CREBZF: variants seen among roughly 807,000 people sequenced by gnomAD.
The protein encoded by CREBZF is CREB/ATF bZIP transcription factor.
Under a neutral mutation model 21.1 loss-of-function variants are expected in CREBZF, and 8 were observed. That is an observed-to-expected ratio of 0.38 (90% CI 0.22 to 0.68). The LOEUF (loss-of-function observed/expected upper bound fraction) is 0.68. Among genes scored for constraint, CREBZF ranks in the 30% least tolerant of loss-of-function variants. The pLI is 0.51. For missense variants in CREBZF, 518 were observed against 484.3 expected (o/e 1.07, Z -0.65); for synonymous variants, 270 against 223.3 (o/e 1.21, Z -1.86).
In CREBZF at chr11:85,663,340, C is replaced by T. The variant is rs1350589745; in HGVS notation, c.*471G>A. 17 of 608,582 alleles carry T rather than the reference C, an allele frequency of 2.8e-5. No homozygotes were observed. The East Asian group carries it at 4.4e-4, about 16-fold the overall frequency. 37.7% of individuals were successfully genotyped at this position (608,582 alleles called of 1,614,324 possible). A position where few individuals can be genotyped will look rare whatever the true frequency, so the allele number is the denominator to read the frequency against. The stretch of plus-strand genomic sequence containing the variant: ...TAGCTATTTCAACCAGAAGAGGCAT[C>T]TTAAATACATTCTTGACCAGCACAA... On this transcript the variant is annotated 3_prime_UTR_variant, in exon 1 of 1. Coordinates refer to ENST00000527447, the MANE Select transcript of CREBZF (RefSeq NM_001039618.4).
chr11:85,662,668 A>C lies in CREBZF; in HGVS notation c.*1143T>G, dbSNP rs1012221191. On this transcript the variant is annotated 3_prime_UTR_variant, in exon 1 of 1. Coordinates refer to ENST00000527447, the MANE Select transcript of CREBZF (RefSeq NM_001039618.4). The stretch of plus-strand genomic sequence containing the variant: ...TGGCCAGAACCACTCAATTTAAAAA[A>C]TTATTTTAAAATAGGACAAATACTT... 1 of 402,202 alleles carries C rather than the reference A, an allele frequency of 2.5e-6. No homozygotes were observed. Among genetic ancestry groups the C allele is most frequent in the African/African-American group, 2.0e-5 (1 of 49,568 alleles). The allele number at this position is 402,202 out of a possible 1,614,324, so 24.9% of individuals were successfully genotyped here.
In CREBZF at chr11:85,664,107, C is replaced by CG. The variant is rs1565808757; in HGVS notation, c.768dup (p.Val257ArgfsTer47). 1 of 1,613,642 alleles carries CG rather than the reference C, an allele frequency of 6.2e-7. No homozygotes were observed. Among genetic ancestry groups the CG allele is most frequent in the Admixed American group, 1.7e-5 (1 of 60,032 alleles). ...CGACTCTCCTCCTGCAGTGCCTGTACGCGTTTGCCCAGCTCCCGATTCTCG... is the reference window on the plus strand; with the variant it reads ...CGACTCTCCTCCTGCAGTGCCTGTACGGCGTTTGCCCAGCTCCCGATTCTCG... On this transcript the variant is annotated frameshift_variant, in exon 1 of 1. Transcript: ENST00000527447. LOFTEE classifies it high-confidence loss of function. The surrounding 1 kb of genome is among the most constrained non-coding windows in gnomAD (Gnocchi z 5.5).
rs1006364111 is a variant in CREBZF at position 85,659,482 on chromosome 11, G to A, written c.*4329C>T. 6.6e-6 allele frequency among the ~76,000 whole-genome samples: 1 copy of A among 152,008 alleles called. No individual in the cohort carries two copies. Among genetic ancestry groups the A allele is most frequent in the Admixed American group, 6.6e-5 (1 of 15,246 alleles). On this transcript the variant is annotated 3_prime_UTR_variant, in exon 1 of 1. Transcript: ENST00000527447. ...GAATACTCTGCTGCCTGGCTTCACA[G>A]GCACTGAATACACTTAAAATGGTAA...
chr11:85,663,359 A>G lies in CREBZF; in HGVS notation c.*452T>C, dbSNP rs2082741456. 1 of 619,670 alleles carries G rather than the reference A, an allele frequency of 1.6e-6. No individual in the cohort carries two copies. The highest frequency in any genetic ancestry group is 2.9e-6 in the Non-Finnish European group (1 of 348,042). 38.4% of individuals were successfully genotyped at this position (619,670 alleles called of 1,614,324 possible). On this transcript the variant is annotated 3_prime_UTR_variant, in exon 1 of 1. Coordinates refer to ENST00000527447, the MANE Select transcript of CREBZF (RefSeq NM_001039618.4). Reference sequence around the variant, plus strand: ...AGGCATCTTAAATACATTCTTGACCAGCACAAGTCTGTTTCCAGGGTGGAC... The same window carrying G: ...AGGCATCTTAAATACATTCTTGACCGGCACAAGTCTGTTTCCAGGGTGGAC...
upstream of CREBZF, among the ~76,000 whole-genome samples, chr11:85,667,353 G>A (rs1351813116): frequency 5.9e-5 from 9 of 152,210 alleles, no homozygotes; most frequent in South Asian, 1.2e-3. Context: ...GATTGCAGGC[G>A]CAAGCCACTG....
rs531006602 is a variant in CREBZF at position 85,672,213 on chromosome 11, G to A, written n.148-8612C>T. Among the ~76,000 whole-genome samples, 31 of 152,360 alleles carry A rather than the reference G, an allele frequency of 2.0e-4. 1 individual carries two copies. The highest frequency in any genetic ancestry group is 5.8e-4 in the East Asian group (3 of 5,174). On this transcript the variant is annotated intron_variant and non_coding_transcript_variant, in intron 1 of 3. Coordinates refer to the CREBZF transcript ENST00000531515. ...TCTTTTAGCTACAGCTGGAGCATGC[G>A]GGATGCAGGGCACCAAGTCCCTAGG...
At chr11:85,668,591 CTTCCAGA>C (rs1431163863), upstream of CREBZF, among the ~76,000 whole-genome samples, 1 of 152,216 alleles carries the variant, frequency 6.6e-6, no homozygotes, top group African/African-American at 2.4e-5. Flanking sequence ...TAAAATAGCA[CTTCCAGA>C]TTCATGTCTA....
At position 85,662,731 on chromosome 11, in the gene CREBZF, C is replaced by T. The variant is rs1217328828; in HGVS notation, c.*1080G>A. ...GAATAAGATTCTTTGTGAAGCCTCA[C>T]TTTACACGTTTTCATTCACATTTCA... On this transcript the variant is annotated 3_prime_UTR_variant, in exon 1 of 1. Coordinates refer to ENST00000527447, the MANE Select transcript of CREBZF (RefSeq NM_001039618.4). 2 of 303,230 alleles carry T rather than the reference C, an allele frequency of 6.6e-6. No individual in the cohort carries two copies. Among genetic ancestry groups the T allele is most frequent in the African/African-American group, 2.1e-5 (1 of 46,728 alleles). The allele number at this position is 303,230 out of a possible 1,614,324, so 18.8% of individuals were successfully genotyped here.
In CREBZF at chr11:85,664,421, G is replaced by A; in HGVS notation, c.455C>T (p.Ala152Val). 2 of 1,613,772 alleles carry A rather than the reference G, an allele frequency of 1.2e-6. No individual in the cohort carries two copies. The highest frequency in any genetic ancestry group is 1.7e-6 in the Non-Finnish European group (2 of 1,180,026). The change falls in exon 1 of 1, where the codon GCG (alanine) becomes GTG (valine). Residue 152 changes from alanine to valine, a missense_variant. Transcript: ENST00000527447. The surrounding 1 kb of genome is among the most constrained non-coding windows in gnomAD (Gnocchi z 5.5). ...LWRGDDDDEA[A>V]AAEMQRFSDL... ...AGAGAAGCGCTGCATTTCAGCAGCCGCGGCCTCATCGTCATCGTCCCCTCT... is the reference window on the plus strand; with the variant it reads ...AGAGAAGCGCTGCATTTCAGCAGCCACGGCCTCATCGTCATCGTCCCCTCT...
Position 85,661,489 on chromosome 11 carries a change from A to G in CREBZF, c.*2322T>C, listed in dbSNP as rs923596156. 6.6e-6 allele frequency: 1 copy of G among 152,538 alleles called. No homozygotes were observed. Among genetic ancestry groups the G allele is most frequent in the African/African-American group, 2.4e-5 (1 of 41,458 alleles). 9.4% of individuals were successfully genotyped at this position (152,538 alleles called of 1,614,324 possible). A position where few individuals can be genotyped will look rare whatever the true frequency, so the allele number is the denominator to read the frequency against. On this transcript the variant is annotated 3_prime_UTR_variant, in exon 1 of 1. Transcript: ENST00000527447. ...TTATAAAATGACATTCTAAAAATCT[A>G]CACTTGGAATTTCAAAGTATCTCAA...
Position 85,661,890 on chromosome 11 carries a change from T to C in CREBZF, c.*1921A>G, listed in dbSNP as rs2082691561. 1 of 151,806 alleles carries C rather than the reference T, an allele frequency of 6.6e-6. No individual in the cohort carries two copies. Among genetic ancestry groups the C allele is most frequent in the African/African-American group, 2.4e-5 (1 of 41,250 alleles). The allele number at this position is 151,806 out of a possible 1,614,324, so 9.4% of individuals were successfully genotyped here. A position where few individuals can be genotyped will look rare whatever the true frequency, so the allele number is the denominator to read the frequency against. ...TTCAAGGCTTCTGTTTCAAAAAAGC[T>C]ACATTTAACATATTTCATAAAGATA... On this transcript the variant is annotated 3_prime_UTR_variant, in exon 1 of 1. Transcript: ENST00000527447.
chr11:85,664,248 G>A lies in CREBZF; in HGVS notation c.628C>T (p.Pro210Ser). 2 of 1,612,624 alleles carry A rather than the reference G, an allele frequency of 1.2e-6. No individual in the cohort carries two copies. The highest frequency in any genetic ancestry group is 8.5e-7 in the Non-Finnish European group (1 of 1,179,792). The change falls in exon 1 of 1, where the codon CCC becomes TCC. Residue 210 changes from proline to serine, a missense_variant. Physicochemically the swap from Pro to Ser is moderately conservative, Grantham distance 74. This residue lies in a region of CREBZF where 396 missense variants were observed against 324.4 expected (regional missense o/e 1.22). Coordinates refer to ENST00000527447, the MANE Select transcript of CREBZF (RefSeq NM_001039618.4). The surrounding 1 kb of genome is among the most constrained non-coding windows in gnomAD (Gnocchi z 5.5). ...NDNNQAATKS[P>S]RKAAAAAARL... is the part of the protein sequence containing the mutation. ...GCAGCGGCCGCCGCCGCCTTCCGGGGACTCTTTGTCGCCGCCTGGTTGTTG... is the reference window on the plus strand; with the variant it reads ...GCAGCGGCCGCCGCCGCCTTCCGGGAACTCTTTGTCGCCGCCTGGTTGTTG...
chr11:85,664,545 G>C lies in CREBZF; in HGVS notation c.331C>G (p.Leu111Val), dbSNP rs1429940875. ...TGCCAGTCCGGTTGCCTGGGGTCCA[G>C]GAGATCCGCCAGTTCCAGCCCAGAC... ...FLSGLELADLLDPRQPDWHLD... is the reference protein window; with the variant it reads ...FLSGLELADLVDPRQPDWHLD... The change falls in exon 1 of 1, where the codon CTG (leucine) becomes GTG (valine). Residue 111 changes from leucine to valine, a missense_variant. Physicochemically the swap from Leu to Val is conservative, Grantham distance 32. This residue lies in a region of CREBZF where 396 missense variants were observed against 324.4 expected (regional missense o/e 1.22). Transcript: ENST00000527447. The surrounding 1 kb of genome is among the most constrained non-coding windows in gnomAD (Gnocchi z 5.5). The C allele has an allele frequency of 1.2e-6, 2 of 1,613,768 alleles. No homozygotes were observed. The highest frequency in any genetic ancestry group is 3.3e-5 in the Admixed American group (2 of 60,004).
chr11:85,676,635 C>CTT (rs995955635), intron 1 of CREBZF, among the ~76,000 whole-genome samples: 1 of 151,038 alleles, frequency 6.6e-6, no homozygotes, highest in Non-Finnish European at 1.5e-5. Context: ...TATAATGTCA[C>CTT]TTTTTTTTTC....
chr11:85,674,804 C>T (rs981991315), intron 1 of CREBZF, among the ~76,000 whole-genome samples: 3 of 152,240 alleles, frequency 2.0e-5, no homozygotes, highest in African/African-American at 7.2e-5. Context: ...CTTCACCTTG[C>T]CCTTCTTTGT....
intron 1 of CREBZF, among the ~76,000 whole-genome samples, chr11:85,682,193 G>T (rs2082980548): frequency 6.6e-6 from 1 of 152,122 alleles, no homozygotes; most frequent in Non-Finnish European, 1.5e-5. Flanking sequence ...CCTGGCTTTG[G>T]ACAAGTCATC....
rs995248391 is a variant in CREBZF at position 85,664,247 on chromosome 11, G to A, written c.629C>T (p.Pro210Leu). 6.2e-7 allele frequency: 1 copy of A among 1,612,562 alleles called. No individual in the cohort carries two copies. The highest frequency in any genetic ancestry group is 8.5e-7 in the Non-Finnish European group (1 of 1,179,782). ...GGCAGCGGCCGCCGCCGCCTTCCGG[G>A]GACTCTTTGTCGCCGCCTGGTTGTT... ...NDNNQAATKS[P>L]RKAAAAAARL... is the part of the protein sequence containing the mutation. Residue 210 changes from proline (P) to leucine (L), a missense_variant, in exon 1 of 1, where the codon CCC (proline) becomes CTC (leucine). By Grantham distance (98) the Pro-to-Leu change is moderately conservative. Around this residue, in one of 3 missense-constraint regions of CREBZF, gnomAD observed 396 missense variants for 324.4 expected, o/e 1.22. Coordinates refer to ENST00000527447, the MANE Select transcript of CREBZF (RefSeq NM_001039618.4). This position sits in a 1 kb window ranked among gnomAD's most constrained non-coding sequence, Gnocchi z 5.5.
chr11:85,667,431 T>C (rs2082880387), upstream of CREBZF, among the ~76,000 whole-genome samples: 1 of 152,210 alleles, frequency 6.6e-6, no homozygotes, highest in South Asian at 2.1e-4. Context: ...CCAATTGACA[T>C]CTAATGCGAA....
Position 85,664,931 on chromosome 11 carries a change from C to T in CREBZF, c.-56G>A. 7.9e-7 allele frequency: 1 copy of T among 1,271,744 alleles called. No homozygotes were observed. The highest frequency in any genetic ancestry group is 1.8e-5 in the South Asian group (1 of 55,038). 78.8% of individuals were successfully genotyped at this position (1,271,744 alleles called of 1,614,324 possible). On this transcript the variant is annotated 5_prime_UTR_variant, in exon 1 of 1. Coordinates refer to ENST00000527447, the MANE Select transcript of CREBZF (RefSeq NM_001039618.4). The surrounding 1 kb of genome is among the most constrained non-coding windows in gnomAD (Gnocchi z 5.5). ...GGCCGCTAAGAGTGGGCCTCACGGG[C>T]CCCAAGGATCCCAGGCCCCAGGGCG...
Sources: gnomAD v4.1 joint callset for allele counts (sites outside exome capture counted in the v4.1 genomes callset) on GRCh38, gnomAD v4.1.1 for gene constraint, gnomAD v4.1.1 regional missense constraint, Gnocchi (gnomAD v3.1) non-coding constraint, MANE v1.5 for transcripts, NCBI Gene and HGNC (gene_info 2026-07-23, HGNC 2026-07-21) for gene names.